Variants in STK32B observed in about 807,000 individuals in gnomAD.
The protein encoded by STK32B is serine/threonine kinase 32B.
Under a neutral mutation model 52.6 loss-of-function variants are expected in STK32B, and 43 were observed. The ratio of observed to expected loss-of-function variants is 0.82; its 90% CI spans 0.64 to 1.05. The LOEUF (loss-of-function observed/expected upper bound fraction) is 1.05, where lower values mean the gene tolerates loss of function less well. Among genes scored for constraint, STK32B ranks in the 50% least tolerant of loss-of-function variants. The pLI is 0.00. For missense variants in STK32B, 621 were observed against 534.6 expected, an observed-to-expected ratio of 1.16 and a Z score of -1.59; for synonymous variants, 238 against 204.3, an observed-to-expected ratio of 1.17 and a Z score of -1.41.
At chr4:5,457,212 CT>C (rs1230307057) in intron 8 of STK32B, among the ~76,000 whole-genome samples, 3,403 of 114,968 alleles carry the variant, frequency 0.03, 113 homozygotes, top group African/African-American at 0.098. Context: ...TTTTTTTTTT[CT>C]TTTTTTTTTT....
chr4:5,220,315 C>G (rs1284144151), intron 3 of STK32B, among the ~76,000 whole-genome samples: 2 of 152,192 alleles, frequency 1.3e-5, no homozygotes, highest in African/African-American at 2.4e-5. Context: ...AGGACAGGGT[C>G]CCAGCTCTCA....
At position 5,222,246 on chromosome 4, in the gene STK32B, A is replaced by G. The variant is rs112306103; in HGVS notation, c.260+53796A>G. On this transcript the variant is annotated intron_variant, in intron 3 of 11. Transcript: ENST00000282908. The stretch of plus-strand genomic sequence containing the variant: ...GACCAAGACAGAAATTGGTACCAAG[A>G]GTGGGGTGTTACTATGCCAAATACC... Among the ~76,000 whole-genome samples the G allele has an allele frequency of 3.8e-3, 574 of 152,248 alleles. 4 individuals carry two copies. Among genetic ancestry groups the G allele is most frequent in the African/African-American group, 0.013 (538 of 41,556 alleles).
At chr4:5,336,227 A>C (rs1732685187) in intron 4 of STK32B, among the ~76,000 whole-genome samples, 1 of 151,016 alleles carries the variant, frequency 6.6e-6, no homozygotes, top group Admixed American at 6.6e-5. Context: ...CATCCTCTAC[A>C]CAGGGAACTC....
intron 2 of STK32B, among the ~76,000 whole-genome samples, chr4:5,151,530 T>A (rs765385921): frequency 2.7e-4 from 41 of 152,372 alleles, no homozygotes; most frequent in Admixed American, 2.0e-3. Flanking sequence ...TTCACTGTCA[T>A]GCTGGAAGAA....
At chr4:5,445,076 G>A (rs1715262993) in intron 6 of STK32B, among the ~76,000 whole-genome samples, 1 of 152,194 alleles carries the variant, frequency 6.6e-6, no homozygotes, top group Admixed American at 6.5e-5. Flanking sequence ...CTGGCTGTGT[G>A]ACCTCTTCAT....
intron 1 of STK32B, among the ~76,000 whole-genome samples, chr4:5,128,505 A>T (rs996190782): frequency 1.3e-5 from 2 of 152,184 alleles, no homozygotes; most frequent in African/African-American, 4.8e-5. Context: ...GTGCTTATAG[A>T]TTCAGTGTTT....
the STK32B span, among the ~76,000 whole-genome samples, chr4:5,043,186 C>A: frequency 1.1e-4 from 16 of 151,260 alleles, no homozygotes; most frequent in African/African-American, 3.6e-4. Context: ...CACTCAGATA[C>A]CAGGAGGAGA....
chr4:5,326,083 T>G (rs1577351387), intron 3 of STK32B, among the ~76,000 whole-genome samples: 2 of 152,342 alleles, frequency 1.3e-5, no homozygotes, highest in South Asian at 4.1e-4. Context: ...CATTCCAGTA[T>G]GCAAGTTTCC....
intron 3 of STK32B, among the ~76,000 whole-genome samples, chr4:5,246,527 T>C (rs1725461608): frequency 6.6e-6 from 1 of 152,206 alleles, no homozygotes; most frequent in South Asian, 2.1e-4. Context: ...AACTTCCTCC[T>C]TTAGCTCGGA....
At chr4:5,085,396 T>C (rs1174352173) in intron 1 of STK32B, among the ~76,000 whole-genome samples, 2 of 152,220 alleles carry the variant, frequency 1.3e-5, no homozygotes, top group African/African-American at 2.4e-5. Flanking sequence ...TCTGATAAAT[T>C]GTGCAGTAAG....
chr4:5,258,177 A>T (rs1045311086), intron 3 of STK32B, among the ~76,000 whole-genome samples: 25 of 152,300 alleles, frequency 1.6e-4, no homozygotes, highest in African/African-American at 5.5e-4. Flanking sequence ...TGTTGTGAGG[A>T]TCAAGTCAGA....
At chr4:5,284,098 G>T (rs1294256521) in intron 3 of STK32B, among the ~76,000 whole-genome samples, 1 of 152,070 alleles carries the variant, frequency 6.6e-6, no homozygotes, top group Non-Finnish European at 1.5e-5. Context: ...GTAAAAGAGG[G>T]AGAGGGAGTG....
intron 1 of STK32B, among the ~76,000 whole-genome samples, chr4:5,076,033 T>C (rs75353148): frequency 0.022 from 3,349 of 152,294 alleles, 135 homozygotes; most frequent in African/African-American, 0.075. Flanking sequence ...ATGGACTAAG[T>C]CCTTCTCATG....
At chr4:5,177,839 A>G (rs1201332131) in intron 3 of STK32B, among the ~76,000 whole-genome samples, 3 of 152,228 alleles carry the variant, frequency 2.0e-5, no homozygotes, top group Non-Finnish European at 4.4e-5. Flanking sequence ...CCAGGTCATG[A>G]TGATGCAAGA....
At chr4:5,376,677 C>T (rs1458239830) in intron 4 of STK32B, among the ~76,000 whole-genome samples, 1 of 152,146 alleles carries the variant, frequency 6.6e-6, no homozygotes, top group Non-Finnish European at 1.5e-5. Flanking sequence ...GAGCAGAGGA[C>T]CCCCAGGATA....
intron 3 of STK32B, among the ~76,000 whole-genome samples, chr4:5,185,545 C>T (rs77168672): frequency 0.022 from 3,284 of 152,240 alleles, 118 homozygotes; most frequent in African/African-American, 0.074. Context: ...GGGAAAGGGA[C>T]GTGGGGGAGG....
chr4:5,166,830 T>G (rs1048533672), intron 2 of STK32B, among the ~76,000 whole-genome samples: 1 of 149,780 alleles, frequency 6.7e-6, no homozygotes, highest in Non-Finnish European at 1.5e-5. Context: ...GTTGGGAAGA[T>G]TAGCCCATAC....
chr4:5,458,545 T>G (rs528988099), intron 8 of STK32B: 12 of 152,304 alleles, frequency 7.9e-5, no homozygotes, highest in African/African-American at 2.9e-4. Context: ...CAAACTCTCC[T>G]AACTTCAGGT....
At chr4:5,164,600 A>G (rs1718724828) in intron 2 of STK32B, among the ~76,000 whole-genome samples, 1 of 152,222 alleles carries the variant, frequency 6.6e-6, no homozygotes, top group African/African-American at 2.4e-5. Context: ...AGGTGGCAGC[A>G]TGGTCAGATT....
Sources: gnomAD v4.1 joint callset for allele counts (sites outside exome capture counted in the v4.1 genomes callset) on GRCh38, gnomAD v4.1.1 for gene constraint, MANE v1.5 for transcripts, NCBI Gene and HGNC (gene_info 2026-07-23, HGNC 2026-07-21) for gene names.